The following VPS41 variants were observed in gnomAD, a reference collection of about 807,000 sequenced individuals.
The protein encoded by VPS41 is vacuolar protein sorting-associated protein 41 homolog.
A neutral mutation model predicts 130.9 loss-of-function variants in VPS41; 85 were observed. That is an observed-to-expected ratio of 0.65 (90% confidence interval 0.55 to 0.78). The LOEUF is 0.78. Among genes scored for constraint, VPS41 ranks in the 30% least tolerant of loss-of-function variants. VPS41 has a pLI of 0.00. For synonymous variants in VPS41, 335 were observed against 332.9 expected (o/e 1.01, Z -0.07); for missense variants, 874 against 1,018.7 (o/e 0.86, Z 1.93).
chr7:38,795,527 G>A lies in VPS41; in HGVS notation c.655C>T (p.Pro219Ser). 1 of 1,613,592 alleles carries A rather than the reference G, an allele frequency of 6.2e-7. No individual in the cohort carries two copies. Among genetic ancestry groups the A allele is most frequent in the Non-Finnish European group, 8.5e-7 (1 of 1,179,658 alleles). ...DDISLRPDMY[P>S]CSLCWKDNVT... ...TTGTCCTTCCAGCAGAGGCTGCAGG[G>A]ATACATGTCTGGGCGAAGACTTATA... The change falls in exon 9 of 29, where the codon CCC becomes TCC. Residue 219 changes from proline to serine, a missense_variant. By Grantham distance (74) the Pro-to-Ser change is moderately conservative (BLOSUM62 -1). Coordinates refer to ENST00000310301, the MANE Select transcript of VPS41 (RefSeq NM_014396.4).
intron 12 of VPS41, among the ~76,000 whole-genome samples, chr7:38,773,698 G>A (rs73127623): frequency 0.01 from 1,577 of 152,204 alleles, 10 homozygotes; most frequent in South Asian, 0.019. Context: ...AGTCTTTCAG[G>A]CTCTGAGCAC....
chr7:38,881,833 C>T (rs573750469), intron 2 of VPS41, among the ~76,000 whole-genome samples: 12 of 152,074 alleles, frequency 7.9e-5, no homozygotes, highest in Admixed American at 2.6e-4. Context: ...CATTCACTGA[C>T]GAGCAGCTCT....
At chr7:38,808,610 T>C (rs1347148936) in intron 7 of VPS41, among the ~76,000 whole-genome samples, 1 of 152,222 alleles carries the variant, frequency 6.6e-6, no homozygotes, top group Non-Finnish European at 1.5e-5. Flanking sequence ...TTCTTAAAAA[T>C]GTTCAGACGA....
At chr7:38,803,211 T>G (rs1011691441) in intron 7 of VPS41, among the ~76,000 whole-genome samples, 1 of 152,212 alleles carries the variant, frequency 6.6e-6, no homozygotes, top group Non-Finnish European at 1.5e-5. Flanking sequence ...TGTAATGAAG[T>G]CCCCGATTCT....
At chr7:38,854,882 C>A (rs1785946666) in intron 4 of VPS41, among the ~76,000 whole-genome samples, 1 of 146,886 alleles carries the variant, frequency 6.8e-6, no homozygotes. Context: ...GGAGGTAACA[C>A]AAAGAAGGAG....
intron 21 of VPS41, among the ~76,000 whole-genome samples, 153 bp downstream of exon 21, chr7:38,754,549 G>C (rs958063702): frequency 6.6e-6 from 1 of 152,036 alleles, no homozygotes; most frequent in Non-Finnish European, 1.5e-5. Flanking sequence ...GCTGCATTTT[G>C]GTAATTACAG....
At chr7:38,878,494 A>T (rs1367896981) in intron 2 of VPS41, among the ~76,000 whole-genome samples, 1 of 152,190 alleles carries the variant, frequency 6.6e-6, no homozygotes, top group African/African-American at 2.4e-5. Context: ...CACCAAAAAC[A>T]ACAAAAAATA....
chr7:38,852,152 T>C (rs543766703), intron 4 of VPS41, among the ~76,000 whole-genome samples: 2 of 152,204 alleles, frequency 1.3e-5, no homozygotes, highest in East Asian at 3.9e-4. Context: ...GAACCAAGCA[T>C]GCAACCACAG....
At chr7:38,873,232 G>A (rs1272680393) in intron 2 of VPS41, among the ~76,000 whole-genome samples, 1 of 151,808 alleles carries the variant, frequency 6.6e-6, no homozygotes, top group Non-Finnish European at 1.5e-5. Flanking sequence ...ACGCTTTTCT[G>A]ACGGGTATCT....
At chr7:38,782,820 A>G (rs1271891664) in intron 10 of VPS41, among the ~76,000 whole-genome samples, 1 of 152,210 alleles carries the variant, frequency 6.6e-6, no homozygotes, top group Non-Finnish European at 1.5e-5. Context: ...ACTTAAGTCA[A>G]TGAAGAGTGA....
At position 38,758,441 on chromosome 7, in the gene VPS41, T is replaced by A. The variant is rs180785892; in HGVS notation, c.1463A>T (p.Tyr488Phe). 1.2e-6 allele frequency: 2 copies of A among 1,613,550 alleles called. No individual in the cohort carries two copies. The highest frequency in any genetic ancestry group is 1.7e-6 in the Non-Finnish European group (2 of 1,179,696). ...TGCTTGAACTATGACTGAATTATTA[T>A]ACAGATCTCCAGGCCATTCTCGGAT... ...TLIREWPGDL[Y>F]NNSVIVQAVR... Residue 488 changes from tyrosine to phenylalanine, a missense_variant, in exon 18 of 29, where the codon TAT (tyrosine) becomes TTT (phenylalanine). By Grantham distance (22) the Tyr-to-Phe change is conservative (BLOSUM62 3). Transcript: ENST00000310301.
chr7:38,881,691 C>G (rs944834607), intron 2 of VPS41, among the ~76,000 whole-genome samples: 1 of 152,172 alleles, frequency 6.6e-6, no homozygotes. Context: ...CCGGTTGAGT[C>G]AGGAGGCGAG....
chr7:38,741,337 GA>G, intron 25 of VPS41: 2 of 357,474 alleles, frequency 5.6e-6, no homozygotes, highest in Admixed American at 4.3e-5. Flanking sequence ...CCAGCATCCT[GA>G]AAAATAGTAA....
intron 14 of VPS41, among the ~76,000 whole-genome samples, chr7:38,769,426 A>C (rs567442041): frequency 4.0e-4 from 61 of 152,358 alleles, no homozygotes; most frequent in Middle Eastern, 3.4e-3. Context: ...AGTAGTGCTA[A>C]TAGGACCCTA....
Position 38,737,276 on chromosome 7 carries a change from G to A in VPS41, c.2259+4709C>T, listed in dbSNP as rs796546407. ...AATCCCAGCTACTCAGGAGGCTGATGCAGGAGAATTGTTTGAACTAGAGAG... is the reference window on the plus strand; with the variant it reads ...AATCCCAGCTACTCAGGAGGCTGATACAGGAGAATTGTTTGAACTAGAGAG... On this transcript the variant is annotated intron_variant, in intron 25 of 28. Transcript: ENST00000310301. 3.5e-4 allele frequency among the ~76,000 whole-genome samples: 54 copies of A among 152,236 alleles called. 1 individual carries two copies. The highest frequency in any genetic ancestry group is 1.2e-3 in the African/African-American group (50 of 41,534).
At chr7:38,757,664 T>C (rs1436837662) in intron 18 of VPS41, among the ~76,000 whole-genome samples, 1 of 152,148 alleles carries the variant, frequency 6.6e-6, no homozygotes, top group Non-Finnish European at 1.5e-5. Flanking sequence ...ATACCTTTTT[T>C]GGTTTTGGGC....
At chr7:38,829,715 C>T (rs1785350765) in intron 5 of VPS41, among the ~76,000 whole-genome samples, 1 of 152,152 alleles carries the variant, frequency 6.6e-6, no homozygotes, top group Non-Finnish European at 1.5e-5. Context: ...GAAGTAGGCG[C>T]CAGGTTTTTA....
chr7:38,849,786 G>A (rs1243388143), intron 4 of VPS41, among the ~76,000 whole-genome samples: 1 of 152,088 alleles, frequency 6.6e-6, no homozygotes, highest in African/African-American at 2.4e-5. Context: ...GCAGGACAGG[G>A]TGGTCTTGGG....
intron 4 of VPS41, among the ~76,000 whole-genome samples, chr7:38,839,596 T>C (rs1160341150): frequency 6.6e-6 from 1 of 151,774 alleles, no homozygotes; most frequent in Non-Finnish European, 1.5e-5. Flanking sequence ...GTCCAGCTAA[T>C]TTTTTTGTAT....
Sources: allele counts gnomAD v4.1 joint callset (sites outside exome capture counted in the v4.1 genomes callset), GRCh38; gene constraint gnomAD v4.1.1; transcripts MANE v1.5; gene names NCBI Gene and HGNC (gene_info 2026-07-23, HGNC 2026-07-21).